Variants in XPR1 observed in about 807,000 individuals in gnomAD.
XPR1 encodes the protein solute carrier family 53 member 1.
Under a neutral mutation model 87.5 loss-of-function variants are expected in XPR1, and 28 were observed. The observed-to-expected ratio is 0.32, with a 90% CI of 0.24 to 0.44. XPR1 has a LOEUF of 0.44. XPR1 is among the 20% of genes least tolerant of loss of function. The pLI, the probability that XPR1 is intolerant of heterozygous loss-of-function variation, is 1.00. For synonymous variants in XPR1, 300 were observed against 306.1 expected (o/e 0.98, Z 0.21); for missense variants, 559 against 862.3 (o/e 0.65, Z 4.41).
chr1:180,796,126 GTGTATT>G (rs1416821486), intron 3 of XPR1, among the ~76,000 whole-genome samples: 1 of 152,022 alleles, frequency 6.6e-6, no homozygotes, highest in African/African-American at 2.4e-5. Flanking sequence ...ATTTTTGTAA[GTGTATT>G]TGTAGATTTT....
intron 2 of XPR1, among the ~76,000 whole-genome samples, chr1:180,782,978 A>AGTTACTGATTTCTAACATTATTCAGC (rs1402187332): frequency 6.6e-6 from 1 of 151,978 alleles, no homozygotes; most frequent in Non-Finnish European, 1.5e-5. Flanking sequence ...TCCAATTCAG[A>AGTTACTGATTTCTAACATTATTCAGC]GTTACTGATT....
At chr1:180,677,394 A>G (rs946278599) in intron 1 of XPR1, among the ~76,000 whole-genome samples, 2 of 152,214 alleles carry the variant, frequency 1.3e-5, no homozygotes, top group Non-Finnish European at 2.9e-5. Context: ...GTAGTAAGCC[A>G]GTAAATCGGG....
intron 2 of XPR1, among the ~76,000 whole-genome samples, chr1:180,728,859 T>G (rs1036739208): frequency 1.3e-5 from 2 of 152,192 alleles, no homozygotes. Flanking sequence ...AGGTTTTTTT[T>G]GTGGAATGTT....
intron 12 of XPR1, among the ~76,000 whole-genome samples, chr1:180,864,759 G>A (rs965689033): frequency 2.0e-5 from 3 of 152,050 alleles, no homozygotes; most frequent in African/African-American, 7.2e-5. Flanking sequence ...TTTTAGTAAA[G>A]GATAAATACC....
At chr1:180,783,731 G>A (rs1649031383) in intron 2 of XPR1, among the ~76,000 whole-genome samples, 1 of 151,656 alleles carries the variant, frequency 6.6e-6, no homozygotes, top group African/African-American at 2.4e-5. Context: ...TCCCCTTTTG[G>A]ACATCAGTTT....
intron 2 of XPR1, among the ~76,000 whole-genome samples, chr1:180,684,555 T>G (rs1656698421): frequency 6.6e-6 from 1 of 152,186 alleles, no homozygotes; most frequent in Admixed American, 6.5e-5. Flanking sequence ...GGGGATGGCA[T>G]TGAATCTGTA....
At chr1:180,862,684 T>C (rs1226835416) in intron 11 of XPR1, among the ~76,000 whole-genome samples, 1 of 150,818 alleles carries the variant, frequency 6.6e-6, no homozygotes, top group African/African-American at 2.5e-5. Context: ...ACTGTACTTA[T>C]TAACACATTA....
At chr1:180,697,346 G>C (rs773653354) in intron 2 of XPR1, among the ~76,000 whole-genome samples, 2 of 151,300 alleles carry the variant, frequency 1.3e-5, no homozygotes, top group Non-Finnish European at 3.0e-5. Context: ...TTTTATATGG[G>C]TCTTCTTTTT....
At chr1:180,876,602 C>G (rs1558048452) in intron 13 of XPR1, among the ~76,000 whole-genome samples, 2 of 151,214 alleles carry the variant, frequency 1.3e-5, no homozygotes, top group African/African-American at 4.9e-5. Context: ...CACCACTGTA[C>G]TGCAGCCTGG....
At chr1:180,854,080 T>G (rs1027599184) in intron 11 of XPR1, among the ~76,000 whole-genome samples, 42 of 152,204 alleles carry the variant, frequency 2.8e-4, no homozygotes, top group Non-Finnish European at 1.3e-4. Flanking sequence ...CAAGGAAAGT[T>G]TAATAGGGGT....
chr1:180,686,263 G>A (rs1439234102), intron 2 of XPR1, among the ~76,000 whole-genome samples: 1 of 152,160 alleles, frequency 6.6e-6, no homozygotes, highest in African/African-American at 2.4e-5. Flanking sequence ...TCATTCAGGA[G>A]CAGGTTGTTC....
intron 1 of XPR1, among the ~76,000 whole-genome samples, chr1:180,634,924 C>T (rs2101889707): frequency 6.6e-6 from 1 of 151,734 alleles, no homozygotes; most frequent in Non-Finnish European, 1.5e-5. Flanking sequence ...TCTTTTTTGC[C>T]TTTCCCGGGC....
chr1:180,837,532 G>T (rs922388183), intron 11 of XPR1, among the ~76,000 whole-genome samples: 19 of 151,950 alleles, frequency 1.3e-4, no homozygotes, highest in African/African-American at 4.4e-4. Context: ...CAAAATTGCT[G>T]TCAATCTAAA....
intron 1 of XPR1, among the ~76,000 whole-genome samples, chr1:180,676,862 G>A (rs1656384393): frequency 1.3e-5 from 2 of 152,156 alleles, no homozygotes; most frequent in Admixed American, 6.5e-5. Flanking sequence ...GTAATGTAAT[G>A]TAATCTTAGA....
intron 1 of XPR1, among the ~76,000 whole-genome samples, chr1:180,651,129 G>A (rs540477956): frequency 1.4e-5 from 2 of 148,020 alleles, no homozygotes; most frequent in Non-Finnish European, 3.0e-5. Flanking sequence ...TTTTGAGACC[G>A]AGTTTTGCTT....
intron 7 of XPR1, among the ~76,000 whole-genome samples, chr1:180,814,848 A>G (rs529025531): frequency 2.6e-5 from 4 of 152,198 alleles, no homozygotes; most frequent in Non-Finnish European, 5.9e-5. Flanking sequence ...AATCAAAGCC[A>G]TTTCGAGAGA....
chr1:180,884,267 T>G lies in XPR1; in HGVS notation c.*201T>G. The G allele has an allele frequency of 2.1e-6, 1 of 475,912 alleles. No individual in the cohort carries two copies. The highest frequency in any genetic ancestry group is 3.7e-6 in the Non-Finnish European group (1 of 267,482). 29.5% of individuals were successfully genotyped at this position (475,912 alleles called of 1,614,324 possible). The stretch of plus-strand genomic sequence containing the variant: ...TTTTCTTCTGGTTTAATTTTAATTT[T>G]CTATTTTCAAAACAAATATTTACTT... On this transcript the variant is annotated 3_prime_UTR_variant, in exon 15 of 15. Coordinates refer to ENST00000367590, the MANE Select transcript of XPR1 (RefSeq NM_004736.4).
At chr1:180,740,836 T>A (rs79826759) in intron 2 of XPR1, among the ~76,000 whole-genome samples, 6,242 of 152,236 alleles carry the variant, frequency 0.041, 164 homozygotes, top group African/African-American at 0.072. Context: ...ATCAGCAGAT[T>A]CCCATGTCTG....
chr1:180,811,326 C>T (rs1050897650), intron 6 of XPR1, 81 bp from the exon 7 acceptor site: 33 of 1,109,146 alleles, frequency 3.0e-5, no homozygotes, highest in Non-Finnish European at 4.3e-5. Context: ...CTTTGAGACT[C>T]ATTCTACTAT....
Sources: gnomAD v4.1 joint callset for allele counts (sites outside exome capture counted in the v4.1 genomes callset) on GRCh38, gnomAD v4.1.1 for gene constraint, MANE v1.5 for transcripts, NCBI Gene and HGNC (gene_info 2026-07-23, HGNC 2026-07-21) for gene names.